STIM1: variants seen among roughly 807,000 people sequenced by gnomAD.
STIM1 encodes the protein stromal interaction molecule 1.
In STIM1, 25 loss-of-function variants were observed where a neutral mutation model predicts 74.7. The ratio of observed to expected loss-of-function variants is 0.33; its 90% CI spans 0.24 to 0.47. The LOEUF is 0.47. STIM1 is among the 20% of genes least tolerant of loss of function. The pLI is 1.00. For synonymous variants in STIM1, 328 were observed against 348.8 expected, an observed-to-expected ratio of 0.94 and a Z score of 0.66; for missense variants, 728 against 920.8, an observed-to-expected ratio of 0.79 and a Z score of 2.71.
At chr11:4,023,717 CAT>C (rs2093976908) in intron 2 of STIM1, among the ~76,000 whole-genome samples, 154 bp from the exon 3 acceptor site, 1 of 152,154 alleles carries the variant, frequency 6.6e-6, no homozygotes, top group Non-Finnish European at 1.5e-5. Flanking sequence ...GCAACTAAGA[CAT>C]GTGCATAAGG....
chr11:3,965,305 TA>T (rs1474886170), intron 1 of STIM1, among the ~76,000 whole-genome samples: 2 of 152,242 alleles, frequency 1.3e-5, no homozygotes, highest in Non-Finnish European at 2.9e-5. Flanking sequence ...AATTTGCTGA[TA>T]CTTAATTATG....
intron 1 of STIM1, among the ~76,000 whole-genome samples, chr11:3,917,127 T>C (rs913281365): frequency 6.6e-6 from 1 of 152,156 alleles, no homozygotes; most frequent in Non-Finnish European, 1.5e-5. Flanking sequence ...CGTAGTGAGA[T>C]GCTCTGCTAT....
chr11:4,021,411 C>G (rs2093954799), intron 2 of STIM1, among the ~76,000 whole-genome samples: 1 of 152,254 alleles, frequency 6.6e-6, no homozygotes, highest in South Asian at 2.1e-4. Flanking sequence ...CAGGCATGAG[C>G]CACCGTGCCC....
intron 1 of STIM1, among the ~76,000 whole-genome samples, chr11:3,932,803 G>A (rs1437548826): frequency 1.3e-5 from 2 of 152,148 alleles, no homozygotes; most frequent in African/African-American, 2.4e-5. Flanking sequence ...GAATCTGCTG[G>A]CACCTTGGTC....
chr11:4,057,932 G>A (rs920208435), intron 4 of STIM1, among the ~76,000 whole-genome samples: 3 of 151,976 alleles, frequency 2.0e-5, no homozygotes, highest in Non-Finnish European at 2.9e-5. Flanking sequence ...GTTGTTGTGA[G>A]GACTGAATGA....
At chr11:3,893,538 A>G (rs888417391) in intron 1 of STIM1, among the ~76,000 whole-genome samples, 1 of 152,232 alleles carries the variant, frequency 6.6e-6, no homozygotes, top group African/African-American at 2.4e-5. Flanking sequence ...ACCAACTGGT[A>G]GCAGAGCCTG....
intron 2 of STIM1, among the ~76,000 whole-genome samples, chr11:4,003,034 C>T (rs1417956004): frequency 6.7e-6 from 1 of 150,214 alleles, no homozygotes; most frequent in Non-Finnish European, 1.5e-5. Context: ...CAAGACTAAA[C>T]CAGGAAGAAG....
chr11:4,026,825 A>T (rs2094001739), intron 3 of STIM1, among the ~76,000 whole-genome samples: 1 of 152,178 alleles, frequency 6.6e-6, no homozygotes, highest in African/African-American at 2.4e-5. Context: ...CATTTCCAGC[A>T]CATCAGAGTG....
chr11:3,927,597 A>T (rs948040728), intron 1 of STIM1, among the ~76,000 whole-genome samples: 1 of 152,162 alleles, frequency 6.6e-6, no homozygotes, highest in Non-Finnish European at 1.5e-5. Context: ...AAGAGCTGTG[A>T]TGCAAAGAAG....
At chr11:3,918,425 G>A (rs2092676259) in intron 1 of STIM1, among the ~76,000 whole-genome samples, 1 of 151,686 alleles carries the variant, frequency 6.6e-6, no homozygotes, top group African/African-American at 2.4e-5. Flanking sequence ...ACTTGTACCT[G>A]TAGTCCTAGC....
intron 1 of STIM1, among the ~76,000 whole-genome samples, chr11:3,941,585 A>G (rs796901168): frequency 2.3e-4 from 32 of 139,652 alleles, no homozygotes; most frequent in East Asian, 2.3e-3. Context: ...AAGCATATAT[A>G]TGTGTGTGTG....
At chr11:4,050,094 A>G (rs559993030) in intron 3 of STIM1, among the ~76,000 whole-genome samples, 3 of 152,324 alleles carry the variant, frequency 2.0e-5, no homozygotes, top group South Asian at 2.1e-4. Context: ...AAAAGCAAGC[A>G]TATCCCCTAT....
At chr11:3,934,573 G>A (rs980776932) in intron 1 of STIM1, among the ~76,000 whole-genome samples, 1 of 152,148 alleles carries the variant, frequency 6.6e-6, no homozygotes, top group African/African-American at 2.4e-5. Flanking sequence ...TCTTTAGCAA[G>A]CACAGGGTAT....
intron 2 of STIM1, among the ~76,000 whole-genome samples, chr11:4,022,444 C>T (rs1204386247): frequency 6.6e-6 from 1 of 151,740 alleles, no homozygotes; most frequent in Non-Finnish European, 1.5e-5. Context: ...TCCTTCCCTT[C>T]CTTCCCTTCC....
intron 1 of STIM1, among the ~76,000 whole-genome samples, chr11:3,873,418 CAAAA>C (rs1159126517): frequency 1.8e-5 from 1 of 57,134 alleles, no homozygotes. Flanking sequence ...AGCTCCATTT[CAAAA>C]AAAAAAAAAA....
chr11:4,092,471 A>AACTCATGC lies in STIM1; in HGVS notation c.*673_*674insACTCATGC, dbSNP rs2094529978. ...GGCTTGGGAATGGGTTGGGAGAGGC[A>AACTCATGC]TCTGTTCATTGGAGCATGAGTGGAT... On this transcript the variant is annotated 3_prime_UTR_variant, in exon 13 of 13. Coordinates refer to ENST00000526596, the MANE Select transcript of STIM1 (RefSeq NM_001382567.1). 6.3e-6 allele frequency: 1 copy of AACTCATGC among 159,464 alleles called. No homozygotes were observed. Among genetic ancestry groups the AACTCATGC allele is most frequent in the South Asian group, 1.7e-4 (1 of 5,732 alleles). The allele number at this position is 159,464 out of a possible 1,614,324, so 9.9% of individuals were successfully genotyped here. A position where few individuals can be genotyped will look rare whatever the true frequency, so the allele number is the denominator to read the frequency against.
chr11:3,990,895 T>C (rs1430366065), intron 2 of STIM1, among the ~76,000 whole-genome samples: 1 of 152,202 alleles, frequency 6.6e-6, no homozygotes. Flanking sequence ...TTTGGGATTC[T>C]ATTGATTTTC....
intron 1 of STIM1, among the ~76,000 whole-genome samples, chr11:3,889,138 C>T (rs909498406): frequency 6.8e-6 from 1 of 148,104 alleles, no homozygotes; most frequent in African/African-American, 2.5e-5. Context: ...GCTGTGGCAA[C>T]AGCAGTCATC....
At chr11:4,013,141 G>A (rs60110100) in intron 2 of STIM1, among the ~76,000 whole-genome samples, 1 of 152,114 alleles carries the variant, frequency 6.6e-6, no homozygotes, top group Non-Finnish European at 1.5e-5. Flanking sequence ...TTTTATTGAG[G>A]ATTTTTGCAT....
Sources: gnomAD v4.1 joint callset for allele counts (sites outside exome capture counted in the v4.1 genomes callset) on GRCh38, gnomAD v4.1.1 for gene constraint, MANE v1.5 for transcripts, NCBI Gene and HGNC (gene_info 2026-07-23, HGNC 2026-07-21) for gene names.